Variants in SPATA2 observed in about 807,000 individuals in gnomAD.
The protein encoded by SPATA2 is spermatogenesis-associated protein 2.
In SPATA2, 8 loss-of-function variants were observed where a neutral mutation model predicts 35.4. The ratio of observed to expected loss-of-function variants is 0.23; its 90% CI spans 0.13 to 0.41. The LOEUF (loss-of-function observed/expected upper bound fraction) is 0.41, where lower values mean the gene tolerates loss of function less well. Among genes scored for constraint, SPATA2 ranks in the 10% least tolerant of loss-of-function variants. SPATA2 has a pLI of 1.00. For missense variants in SPATA2, 650 were observed against 698.7 expected (o/e 0.93, Z 0.79); for synonymous variants, 293 against 300.9 (o/e 0.97, Z 0.27).
chr20:49,905,874 C>A lies in SPATA2; in HGVS notation c.1308G>T (p.Gln436His). The A allele has an allele frequency of 6.2e-7, 1 of 1,613,442 alleles. No individual in the cohort carries two copies. The highest frequency in any genetic ancestry group is 2.2e-5 in the East Asian group (1 of 44,874). The change falls in exon 3 of 3, where the codon CAG becomes CAT. Residue 436 changes from glutamine (Q) to histidine (H), a missense_variant. Transcript: ENST00000289431. The part of the protein sequence containing the change: ...GASLREKYPG[Q>H]TQGLDRLPHL... The stretch of plus-strand genomic sequence containing the variant: ...GCGGGAGGCGGTCGAGGCCCTGAGT[C>A]TGGCCTGGGTACTTCTCCCGCAGAG...
At position 49,904,578 on chromosome 20, in the gene SPATA2, C is replaced by A. The variant is rs2090129091; in HGVS notation, c.*1041G>T. 1 of 152,648 alleles carries A rather than the reference C, an allele frequency of 6.6e-6. No homozygotes were observed. Among genetic ancestry groups the A allele is most frequent in the East Asian group, 1.9e-4 (1 of 5,194 alleles). 9.5% of individuals were successfully genotyped at this position (152,648 alleles called of 1,614,324 possible). A position where few individuals can be genotyped will look rare whatever the true frequency, so the allele number is the denominator to read the frequency against. On this transcript the variant is annotated 3_prime_UTR_variant, in exon 3 of 3. Coordinates refer to ENST00000289431, the MANE Select transcript of SPATA2 (RefSeq NM_006038.4). ...ACACAGACCTCGACACCCGCGCTCA[C>A]CCCCTAAGTGCACACTGGAGGTAGG...
intron 1 of SPATA2, among the ~76,000 whole-genome samples, chr20:49,908,831 G>A (rs75151712): frequency 6.6e-6 from 1 of 152,182 alleles, no homozygotes; most frequent in Non-Finnish European, 1.5e-5. Context: ...ATTCGGGTGA[G>A]TACAGCAGGA....
chr20:49,908,264 G>A lies in SPATA2; in HGVS notation c.227C>T (p.Ser76Leu), dbSNP rs369248502. ...FYEVVESSLRSLSSSSLRALH... is the reference protein window; with the variant it reads ...FYEVVESSLRLLSSSSLRALH... ...AGCCCGCAGGCTAGAGGAGCTGAGC[G>A]AGCGCAAGGAGCTCTCCACCACCTC... The change falls in exon 2 of 3, where the codon TCG (serine) becomes TTG (leucine). Residue 76 changes from serine to leucine, a missense_variant. Coordinates refer to ENST00000289431, the MANE Select transcript of SPATA2 (RefSeq NM_006038.4). 11 of 1,614,064 alleles carry A rather than the reference G, an allele frequency of 6.8e-6. No individual in the cohort carries two copies. Among genetic ancestry groups the A allele is most frequent in the African/African-American group, 6.7e-5 (5 of 74,950 alleles).
At chr20:49,913,852 C>T (rs1055186084) in intron 1 of SPATA2, 1 of 152,096 alleles carries the variant, frequency 6.6e-6, no homozygotes. Context: ...CTGGTCATAG[C>T]TGGTGTTTTT....
At chr20:49,915,115 G>A (rs1348996238) in intron 1 of SPATA2, among the ~76,000 whole-genome samples, 1 of 152,202 alleles carries the variant, frequency 6.6e-6, no homozygotes, top group Non-Finnish European at 1.5e-5. Flanking sequence ...TGTTTGGCCA[G>A]TCGCCGAAGA....
Position 49,906,350 on chromosome 20 carries a change from G to T in SPATA2, c.832C>A (p.Pro278Thr). The T allele has an allele frequency of 3.1e-6, 5 of 1,612,800 alleles. No homozygotes were observed. Among genetic ancestry groups the T allele is most frequent in the Non-Finnish European group, 4.2e-6 (5 of 1,179,190 alleles). ...TCGTCCCCCACATCCGTTGCCACAG[G>T]CTCCTTCCGAAGACTCAATGAGGCC... ...LKASLSLRKE[P>T]VATDVGDDLK... The change falls in exon 3 of 3, where the codon CCT becomes ACT. Residue 278 changes from proline (P) to threonine (T), a missense_variant. By Grantham distance (38) the Pro-to-Thr change is conservative (BLOSUM62 -1). Coordinates refer to ENST00000289431, the MANE Select transcript of SPATA2 (RefSeq NM_006038.4). This position sits in a 1 kb window ranked among gnomAD's most constrained non-coding sequence, Gnocchi z 8.2.
In SPATA2 at chr20:49,905,589, G is replaced by A. The variant is rs1390281777; in HGVS notation, c.*30C>T. The A allele has an allele frequency of 2.5e-6, 4 of 1,608,160 alleles. No homozygotes were observed. Among genetic ancestry groups the A allele is most frequent in the Non-Finnish European group, 3.4e-6 (4 of 1,175,848 alleles). ...GAAACCCGAAAGGTCGGTTGATGTAGCCCTTGGAGCTGGAAGGGGCGAGGC... is the reference window on the plus strand; with the variant it reads ...GAAACCCGAAAGGTCGGTTGATGTAACCCTTGGAGCTGGAAGGGGCGAGGC... On this transcript the variant is annotated 3_prime_UTR_variant, in exon 3 of 3. Coordinates refer to ENST00000289431, the MANE Select transcript of SPATA2 (RefSeq NM_006038.4).
Position 49,905,857 on chromosome 20 carries a change from C to T in SPATA2, c.1325G>A (p.Arg442His), listed in dbSNP as rs201647779. 5 of 1,613,736 alleles carry T rather than the reference C, an allele frequency of 3.1e-6. No homozygotes were observed. Among genetic ancestry groups the T allele is most frequent in the East Asian group, 2.2e-5 (1 of 44,868 alleles). The part of the protein sequence containing the change: ...KYPGQTQGLD[R>H]LPHLHSKSKP... ...GGATTTGGAGTGAAGGTGCGGGAGG[C>T]GGTCGAGGCCCTGAGTCTGGCCTGG... is the stretch of plus-strand genomic sequence containing the variant. Residue 442 changes from arginine to histidine, a missense_variant, in exon 3 of 3, where the codon CGC (arginine) becomes CAC (histidine). Coordinates refer to ENST00000289431, the MANE Select transcript of SPATA2 (RefSeq NM_006038.4).
In SPATA2 at chr20:49,906,895, C is replaced by G. The variant is rs554808762; in HGVS notation, c.337-50G>C. 5 of 1,560,070 alleles carry G rather than the reference C, an allele frequency of 3.2e-6. No homozygotes were observed. In the East Asian group the frequency reaches 1.1e-4, roughly 35 times the overall value. On this transcript the variant is annotated intron_variant, in intron 2 of 2. Coordinates refer to ENST00000289431, the MANE Select transcript of SPATA2 (RefSeq NM_006038.4). This position sits in a 1 kb window ranked among gnomAD's most constrained non-coding sequence, Gnocchi z 8.2. ...AAGGTGGGGTTTTCTGTCAGAGACA[C>G]AAGACAGAGACTATGTCAAAGCAAA...
chr20:49,914,294 G>C (rs1442542701), intron 1 of SPATA2, among the ~76,000 whole-genome samples: 1 of 152,114 alleles, frequency 6.6e-6, no homozygotes, highest in Non-Finnish European at 1.5e-5. Context: ...AAGTGATTCC[G>C]AGTAGCTAAG....
chr20:49,911,822 A>G (rs2090183725), intron 1 of SPATA2, among the ~76,000 whole-genome samples: 1 of 152,212 alleles, frequency 6.6e-6, no homozygotes, highest in African/African-American at 2.4e-5. Flanking sequence ...GGGCTCAGAA[A>G]GATGGCATGA....
At position 49,905,732 on chromosome 20, in the gene SPATA2, G is replaced by A. The variant is rs1038755620; in HGVS notation, c.1450C>T (p.Leu484Phe). Residue 484 changes from leucine to phenylalanine, a missense_variant, in exon 3 of 3, where the codon CTC becomes TTC. By Grantham distance (22) the Leu-to-Phe change is conservative. Transcript: ENST00000289431. ...CAGGGGTCATAATGGTAAGCGCTGA[G>A]GCAGGCGTCACATGAGACTTTTGAA... ...QCSKVSCDAC[L>F]SAYHYDPCYK... The A allele has an allele frequency of 3.1e-6, 5 of 1,614,254 alleles. No homozygotes were observed. Among genetic ancestry groups the A allele is most frequent in the Non-Finnish European group, 4.2e-6 (5 of 1,180,042 alleles).
intron 1 of SPATA2, among the ~76,000 whole-genome samples, chr20:49,915,075 C>T (rs1312236883): frequency 6.6e-6 from 1 of 152,236 alleles, no homozygotes; most frequent in African/African-American, 2.4e-5. Context: ...TGCGCGGTAA[C>T]TGCCTCGTGG....
At position 49,904,376 on chromosome 20, in the gene SPATA2, A is replaced by AT. The variant is rs1384338814; in HGVS notation, c.*1242dup. The AT allele has an allele frequency of 7.2e-5, 11 of 152,552 alleles. No individual in the cohort carries two copies. Among genetic ancestry groups the AT allele is most frequent in the African/African-American group, 2.7e-4 (11 of 41,438 alleles). The allele number at this position is 152,552 out of a possible 1,614,324, so 9.4% of individuals were successfully genotyped here. ...TGCAAAAAGATTGCAAATGTTGCAG[A>AT]TGAGTCCTGGAAACTGGTGAAGAGA... On this transcript the variant is annotated 3_prime_UTR_variant, in exon 3 of 3. Coordinates refer to ENST00000289431, the MANE Select transcript of SPATA2 (RefSeq NM_006038.4).
chr20:49,912,691 C>T (rs926501951), intron 1 of SPATA2, among the ~76,000 whole-genome samples: 1 of 152,126 alleles, frequency 6.6e-6, no homozygotes, highest in Non-Finnish European at 1.5e-5. Context: ...AAGCTCGGCT[C>T]AGCGTCTGCT....
Position 49,908,408 on chromosome 20 carries a change from T to C in SPATA2, c.83A>G (p.Asp28Gly). The change falls in exon 2 of 3, where the codon GAT (aspartate) becomes GGT (glycine). Residue 28 changes from aspartate (D) to glycine (G), a missense_variant. By Grantham distance (94) the Asp-to-Gly change is moderately conservative. Transcript: ENST00000289431. The part of the protein sequence containing the change: ...KYVQFHESKV[D>G]TTTSRQRPGS... ...AGGCCGCTGCCTGCTGGTGGTGGTA[T>C]CCACTTTGCTCTCATGGAACTGCAC... 2 of 1,613,978 alleles carry C rather than the reference T, an allele frequency of 1.2e-6. No homozygotes were observed. The highest frequency in any genetic ancestry group is 1.7e-6 in the Non-Finnish European group (2 of 1,179,816).
chr20:49,914,858 G>GA (rs1433410616), intron 1 of SPATA2, among the ~76,000 whole-genome samples: 1 of 152,158 alleles, frequency 6.6e-6, no homozygotes. Context: ...TTCGTGAATT[G>GA]AATGAAGTAA....
intron 1 of SPATA2, among the ~76,000 whole-genome samples, chr20:49,910,886 T>A (rs2769978): frequency 6.6e-6 from 1 of 151,940 alleles, no homozygotes; most frequent in Non-Finnish European, 1.5e-5. Flanking sequence ...AGTGCTACAG[T>A]GACAAATAAG....
chr20:49,907,701 T>TC (rs1314802950), intron 2 of SPATA2, among the ~76,000 whole-genome samples: 5 of 151,640 alleles, frequency 3.3e-5, no homozygotes, highest in Admixed American at 2.6e-4. Flanking sequence ...CAATTCCCCC[T>TC]CCTCCTCTAC....
Sources: allele counts gnomAD v4.1 joint callset (sites outside exome capture counted in the v4.1 genomes callset), GRCh38; gene constraint gnomAD v4.1.1; non-coding constraint Gnocchi (gnomAD v3.1); transcripts MANE v1.5; gene names NCBI Gene and HGNC (gene_info 2026-07-23, HGNC 2026-07-21).